Variants in CALN1 observed in about 807,000 individuals in gnomAD.
CALN1 encodes the protein calcium-binding protein 8.
CALN1 carries 17 observed loss-of-function variants against 30.6 expected under a neutral mutation model. The ratio of observed to expected loss-of-function variants is 0.56; its 90% CI spans 0.38 to 0.83. The LOEUF is 0.83. Among genes scored for constraint, CALN1 ranks in the 40% least tolerant of loss-of-function variants. CALN1 has a pLI of 0.00. For synonymous variants in CALN1, 156 were observed against 131.4 expected, an observed-to-expected ratio of 1.19 and a Z score of -1.28; for missense variants, 291 against 354.9, an observed-to-expected ratio of 0.82 and a Z score of 1.45.
chr7:71,979,815 GGCAGGTCACTGGTTAGCAT>G (rs1798296512), intron 5 of CALN1, among the ~76,000 whole-genome samples: 1 of 151,378 alleles, frequency 6.6e-6, no homozygotes. Flanking sequence ...AGAAAACCAT[GGCAGGTCACTGGTTAGCAT>G]GCAAGTAGTA....
At chr7:72,455,276 T>A in the CALN1 span, among the ~76,000 whole-genome samples, 1 of 151,246 alleles carries the variant, frequency 6.6e-6, no homozygotes, top group Non-Finnish European at 1.5e-5. Flanking sequence ...TGCTCCAGCC[T>A]GGCAACAGAG....
At chr7:71,957,092 G>A (rs189021897) in intron 5 of CALN1, among the ~76,000 whole-genome samples, 3 of 152,112 alleles carry the variant, frequency 2.0e-5, no homozygotes, top group African/African-American at 4.8e-5. Flanking sequence ...ATGAGACACC[G>A]AGAGAAGCTC....
chr7:72,006,856 C>T (rs997567955), intron 5 of CALN1, among the ~76,000 whole-genome samples: 1 of 152,034 alleles, frequency 6.6e-6, no homozygotes, highest in Admixed American at 6.6e-5. Flanking sequence ...CCGCATGCCT[C>T]CCAGACTCCT....
chr7:71,879,623 G>A (rs1792450210), intron 5 of CALN1, among the ~76,000 whole-genome samples: 2 of 152,192 alleles, frequency 1.3e-5, no homozygotes, highest in African/African-American at 4.8e-5. Context: ...CTCAGGCTTA[G>A]AGACTAAATG....
At chr7:72,268,042 T>C (rs190681843) in intron 3 of CALN1, among the ~76,000 whole-genome samples, 37 of 152,284 alleles carry the variant, frequency 2.4e-4, no homozygotes, top group Non-Finnish European at 3.8e-4. Context: ...AAATTAATAG[T>C]ATATGCATAA....
At position 71,875,060 on chromosome 7, in the gene CALN1, G is replaced by T. The variant is rs554498799; in HGVS notation, c.502-64568C>A. 4.6e-5 allele frequency among the ~76,000 whole-genome samples: 7 copies of T among 151,678 alleles called. No homozygotes were observed. The South Asian group carries it at 1.0e-3, about 23-fold the overall frequency. ...CATGCTTATAATCCCAGATCCTCAGGGGGCTGAAGCACCAGAATCACTTGA... is the reference window on the plus strand; with the variant it reads ...CATGCTTATAATCCCAGATCCTCAGTGGGCTGAAGCACCAGAATCACTTGA... On this transcript the variant is annotated intron_variant, in intron 5 of 6. Coordinates refer to ENST00000395275, the MANE Select transcript of CALN1 (RefSeq NM_031468.4).
intron 5 of CALN1, among the ~76,000 whole-genome samples, chr7:71,986,407 C>T (rs898470571): frequency 2.0e-5 from 3 of 152,216 alleles, no homozygotes; most frequent in Admixed American, 6.5e-5. Context: ...AAAATATAAA[C>T]CCAGCTCATT....
chr7:72,336,177 G>T (rs921101914), intron 2 of CALN1, among the ~76,000 whole-genome samples: 3 of 152,040 alleles, frequency 2.0e-5, no homozygotes, highest in African/African-American at 7.2e-5. Flanking sequence ...CAGCGCTAGG[G>T]GCCGGAGGTG....
intron 4 of CALN1, among the ~76,000 whole-genome samples, chr7:72,050,738 C>T (rs1584830531): frequency 6.6e-6 from 1 of 152,062 alleles, no homozygotes; most frequent in East Asian, 1.9e-4. Context: ...TGGTGGCTCA[C>T]GCCTGTAATC....
intron 3 of CALN1, among the ~76,000 whole-genome samples, chr7:72,142,561 C>G (rs186789971): frequency 2.2e-4 from 33 of 152,272 alleles, no homozygotes; most frequent in African/African-American, 7.5e-4. Flanking sequence ...AGGGCATAGC[C>G]GAACAAAACG....
At chr7:71,881,420 C>A (rs1193564033) in intron 5 of CALN1, among the ~76,000 whole-genome samples, 3 of 152,290 alleles carry the variant, frequency 2.0e-5, no homozygotes, top group Admixed American at 1.3e-4. Flanking sequence ...AGCTTATCAG[C>A]AAGTTCTATG....
chr7:72,411,367 A>G (rs1331235743), intron 1 of CALN1, among the ~76,000 whole-genome samples: 2 of 152,236 alleles, frequency 1.3e-5, no homozygotes, highest in African/African-American at 2.4e-5. Flanking sequence ...CATACAAAAG[A>G]GATTCATGTA....
intron 2 of CALN1, chr7:72,336,905 C>T (rs1802096789): frequency 1.0e-6 from 1 of 984,500 alleles, no homozygotes; most frequent in Non-Finnish European, 1.2e-6. Context: ...CTCGGCGCCC[C>T]CGGGCCGCTC....
intron 4 of CALN1, among the ~76,000 whole-genome samples, chr7:72,074,481 C>T (rs772010903): frequency 2.0e-5 from 3 of 152,192 alleles, no homozygotes; most frequent in Non-Finnish European, 2.9e-5. Context: ...AATCTTGGCT[C>T]ACTGCAACCT....
At chr7:71,946,671 C>A (rs144475264) in intron 5 of CALN1, among the ~76,000 whole-genome samples, 2 of 151,504 alleles carry the variant, frequency 1.3e-5, no homozygotes, top group Non-Finnish European at 2.9e-5. Context: ...CAGCCAAGAA[C>A]GTTACATACA....
intron 5 of CALN1, among the ~76,000 whole-genome samples, chr7:71,954,209 T>C (rs142776645): frequency 6.6e-6 from 1 of 151,994 alleles, no homozygotes; most frequent in Non-Finnish European, 1.5e-5. Flanking sequence ...CCTGTAATCA[T>C]AGCGCTTTGG....
intron 3 of CALN1, among the ~76,000 whole-genome samples, chr7:72,112,707 T>C (rs1807665052): frequency 6.6e-6 from 1 of 151,444 alleles, no homozygotes; most frequent in South Asian, 2.1e-4. Flanking sequence ...CTGCAAAGAG[T>C]TGCTGTTTAC....
intron 5 of CALN1, chr7:71,942,315 C>T: frequency 1.1e-5 from 2 of 184,384 alleles, no homozygotes; most frequent in Non-Finnish European, 2.5e-5. Context: ...AGGTCCTGGG[C>T]AGGACCGGCT....
intron 3 of CALN1, among the ~76,000 whole-genome samples, chr7:72,159,838 TATTTAGAAAGAA>T: frequency 6.6e-6 from 1 of 151,974 alleles, no homozygotes; most frequent in Admixed American, 6.6e-5. Flanking sequence ...GTGCAAAAAA[TATTTAGAAAGAA>T]GAATTGACAG....
Sources: gnomAD v4.1 joint callset for allele counts (sites outside exome capture counted in the v4.1 genomes callset) on GRCh38, gnomAD v4.1.1 for gene constraint, MANE v1.5 for transcripts, NCBI Gene and HGNC (gene_info 2026-07-23, HGNC 2026-07-21) for gene names.